The following ENDOD1 variants were observed in gnomAD, a reference collection of about 807,000 sequenced individuals.
ENDOD1 encodes the protein endonuclease domain containing 1.
Under a neutral mutation model 6.5 loss-of-function variants are expected in ENDOD1, and 9 were observed. The ratio of observed to expected loss-of-function variants is 1.39; its 90% CI spans 0.84 to 2.43. ENDOD1 has a LOEUF of 2.43. Ranked by LOEUF, ENDOD1 falls within the 30% of genes most tolerant of loss-of-function variation. ENDOD1 has a pLI of 0.00. For synonymous variants in ENDOD1, 255 were observed against 255.2 expected, an observed-to-expected ratio of 1.00 and a Z score of 0.01; for missense variants, 648 against 635.5, an observed-to-expected ratio of 1.02 and a Z score of -0.21.
rs1373131657 is a variant in ENDOD1 at position 95,090,152 on chromosome 11, C to G, written c.225C>G (p.Ile75Met). ...CCCTCTACAGCACCCGGGACCGCATCCCCGTGTACTCCGCGTTCCGCGCCC... is the reference window on the plus strand; with the variant it reads ...CCCTCTACAGCACCCGGGACCGCATGCCCGTGTACTCCGCGTTCCGCGCCC... ...FATLYSTRDR[I>M]PVYSAFRAPR... Residue 75 changes from isoleucine (I) to methionine (M), a missense_variant, in exon 1 of 2, where the codon ATC becomes ATG. Ile to Met is a conservative substitution (Grantham distance 10, BLOSUM62 1). Transcript: ENST00000278505. The G allele has an allele frequency of 6.7e-7, 1 of 1,486,840 alleles. No individual in the cohort carries two copies. Among genetic ancestry groups the G allele is most frequent in the Non-Finnish European group, 9.0e-7 (1 of 1,109,212 alleles). 92.1% of individuals were successfully genotyped at this position (1,486,840 alleles called of 1,614,324 possible).
At chr11:95,125,154 A>G (rs116505132) in intron 1 of ENDOD1, among the ~76,000 whole-genome samples, 2,021 of 152,124 alleles carry the variant, frequency 0.013, 37 homozygotes, top group African/African-American at 0.045. Context: ...ACACTCCAGC[A>G]TGCTCCCCCT....
In ENDOD1 at chr11:95,129,116, A is replaced by T. The variant is rs551599857; in HGVS notation, c.1040A>T (p.Tyr347Phe). The change falls in exon 2 of 2, where the codon TAT (tyrosine) becomes TTT (phenylalanine). Residue 347 changes from tyrosine to phenylalanine, a missense_variant. Physicochemically the swap from Tyr to Phe is conservative, Grantham distance 22 (BLOSUM62 3). Coordinates refer to ENST00000278505, the MANE Select transcript of ENDOD1 (RefSeq NM_015036.3). ...TPFIKLFQLI[Y>F]YLVVAILKNI... ...TTCATCAAGCTTTTTCAATTAATTT[A>T]TTACCTTGTGGTAGCAATCCTGAAG... 5.0e-5 allele frequency: 80 copies of T among 1,614,112 alleles called. 1 individual carries two copies. Among genetic ancestry groups the T allele is most frequent in the Middle Eastern group, 4.9e-4 (3 of 6,062 alleles).
rs1046468516 is a variant in ENDOD1 at position 95,129,623 on chromosome 11, T to C, written c.*44T>C. On this transcript the variant is annotated 3_prime_UTR_variant, in exon 2 of 2. Transcript: ENST00000278505. The stretch of plus-strand genomic sequence containing the variant: ...ATCCAGTCACAGTGAATTTGAAAGC[T>C]GGAATAGTTTGTCTTTACAATGGGT... 1 of 1,559,510 alleles carries C rather than the reference T, an allele frequency of 6.4e-7. No homozygotes were observed. The highest frequency in any genetic ancestry group is 1.4e-5 in the African/African-American group (1 of 73,298).
rs1859341252 is a variant in ENDOD1, at chr11:95,128,978, G to T, written c.902G>T (p.Ser301Ile). The T allele has an allele frequency of 6.2e-7, 1 of 1,614,048 alleles. No individual in the cohort carries two copies. The highest frequency in any genetic ancestry group is 1.3e-5 in the African/African-American group (1 of 75,030). Residue 301 changes from serine to isoleucine, a missense_variant, in exon 2 of 2, where the codon AGT (serine) becomes ATT (isoleucine). By Grantham distance (142) the Ser-to-Ile change is moderately radical. Transcript: ENST00000278505. Reference protein sequence around the residue: ...DEERMVQSQKSSSPLSSTRSK... With the variant: ...DEERMVQSQKISSPLSSTRSK... ...GAACGAATGGTACAATCTCAAAAGA[G>T]TTCTAGTCCCCTTTCTAGCACCAGG...
intron 1 of ENDOD1, among the ~76,000 whole-genome samples, chr11:95,111,137 G>T (rs781976666): frequency 5.3e-5 from 8 of 152,098 alleles, no homozygotes; most frequent in Non-Finnish European, 7.4e-5. Context: ...CCTCCTCAGT[G>T]ACAAACTCCC....
intron 1 of ENDOD1, among the ~76,000 whole-genome samples, chr11:95,101,453 C>T (rs923386728): frequency 3.9e-5 from 6 of 152,130 alleles, no homozygotes; most frequent in South Asian, 2.1e-4. Flanking sequence ...TAGATGTACA[C>T]GTACAGACAG....
At chr11:95,125,702 T>G (rs1859305410) in intron 1 of ENDOD1, among the ~76,000 whole-genome samples, 1 of 151,984 alleles carries the variant, frequency 6.6e-6, no homozygotes, top group Non-Finnish European at 1.5e-5. Context: ...TATTTGGTTT[T>G]TTGTCCTTGT....
chr11:95,099,986 C>CA (rs1555110685), intron 1 of ENDOD1, among the ~76,000 whole-genome samples: 1 of 152,148 alleles, frequency 6.6e-6, no homozygotes, highest in African/African-American at 2.4e-5. Context: ...TCGGGACACG[C>CA]AGAAACACAG....
intron 1 of ENDOD1, among the ~76,000 whole-genome samples, chr11:95,096,427 T>C (rs1858986664): frequency 6.6e-6 from 1 of 152,036 alleles, no homozygotes; most frequent in Non-Finnish European, 1.5e-5. Context: ...GAACCAAGAA[T>C]AGAAGCACCG....
intron 1 of ENDOD1, among the ~76,000 whole-genome samples, chr11:95,107,826 A>G (rs1215272451): frequency 6.6e-6 from 1 of 151,782 alleles, no homozygotes; most frequent in African/African-American, 2.4e-5. Flanking sequence ...CCGCCCGGCT[A>G]ATTTTTTTGT....
At chr11:95,097,501 A>G (rs1405093729) in intron 1 of ENDOD1, among the ~76,000 whole-genome samples, 6 of 152,204 alleles carry the variant, frequency 3.9e-5, no homozygotes, top group African/African-American at 1.4e-4. Context: ...ACGGCAGATC[A>G]TTTAGATTCT....
intron 1 of ENDOD1, among the ~76,000 whole-genome samples, chr11:95,124,467 T>C (rs1420192494): frequency 1.3e-5 from 2 of 152,178 alleles, no homozygotes; most frequent in Non-Finnish European, 2.9e-5. Context: ...TAGAACCAGG[T>C]TTGGAGTTCA....
Position 95,129,594 on chromosome 11 carries a change from T to C in ENDOD1, c.*15T>C, listed in dbSNP as rs781612605. 4 of 1,598,090 alleles carry C rather than the reference T, an allele frequency of 2.5e-6. No individual in the cohort carries two copies. The East Asian group carries it at 8.9e-5, about 36-fold the overall frequency. The stretch of plus-strand genomic sequence containing the variant: ...GGGAGTTATAAACTCAAAAAACTAA[T>C]AGTATCCAGTCACAGTGAATTTGAA... On this transcript the variant is annotated 3_prime_UTR_variant, in exon 2 of 2. Coordinates refer to ENST00000278505, the MANE Select transcript of ENDOD1 (RefSeq NM_015036.3).
intron 1 of ENDOD1, 26 bp from the exon 2 acceptor site, chr11:95,128,350 AT>A (rs768772133): frequency 5.0e-6 from 8 of 1,595,372 alleles, no homozygotes; most frequent in Non-Finnish European, 6.0e-6. Context: ...GCAGGGATGC[AT>A]CTCACCACTT....
rs1859304921 is a variant in ENDOD1, at chr11:95,125,646, A to T, written c.301-2731A>T. ...GCGTGATGTTCCCCTTCCTGTGTCC[A>T]TGTGTTCTCATTGTTCAATTCCCAC... On this transcript the variant is annotated intron_variant, in intron 1 of 1. Transcript: ENST00000278505. 4.2e-5 allele frequency among the ~76,000 whole-genome samples: 5 copies of T among 118,578 alleles called. No individual in the cohort carries two copies. In the South Asian group the frequency reaches 1.4e-3, roughly 34 times the overall value. 77.8% of individuals were successfully genotyped at this position (118,578 alleles called of 152,430 possible). A position where few individuals can be genotyped will look rare whatever the true frequency, so the allele number is the denominator to read the frequency against.
intron 1 of ENDOD1, among the ~76,000 whole-genome samples, chr11:95,114,138 T>C (rs1414853820): frequency 1.3e-5 from 2 of 152,160 alleles, no homozygotes; most frequent in Non-Finnish European, 2.9e-5. Flanking sequence ...ATTAACTGAT[T>C]GATTGATTTT....
chr11:95,097,280 T>A (rs915754357), intron 1 of ENDOD1, among the ~76,000 whole-genome samples: 9 of 152,066 alleles, frequency 5.9e-5, no homozygotes, highest in Admixed American at 5.9e-4. Flanking sequence ...AAGAGATCAC[T>A]GAGGAGTTGA....
At chr11:95,098,787 GA>G (rs1301900231) in intron 1 of ENDOD1, among the ~76,000 whole-genome samples, 1 of 152,042 alleles carries the variant, frequency 6.6e-6, no homozygotes, top group Non-Finnish European at 1.5e-5. Flanking sequence ...AACAGGCCCA[GA>G]GAGGTTAAAC....
intron 1 of ENDOD1, among the ~76,000 whole-genome samples, chr11:95,092,015 C>T (rs953803127): frequency 3.9e-5 from 6 of 152,006 alleles, no homozygotes; most frequent in Non-Finnish European, 8.8e-5. Context: ...AGCAAAAAAC[C>T]ATAATTTAAT....
Sources: gnomAD v4.1 joint callset for allele counts (sites outside exome capture counted in the v4.1 genomes callset) on GRCh38, gnomAD v4.1.1 for gene constraint, MANE v1.5 for transcripts, NCBI Gene and HGNC (gene_info 2026-07-23, HGNC 2026-07-21) for gene names.